The following SSMEM1 variants were observed in gnomAD, a reference collection of about 807,000 sequenced individuals.
SSMEM1 encodes the protein serine rich single-pass membrane protein 1.
In SSMEM1, 12 loss-of-function variants were observed where a neutral mutation model predicts 9.9. That is an observed-to-expected ratio of 1.21 (90% CI 0.78 to 1.96). SSMEM1 has a LOEUF of 1.96. SSMEM1 is among the 30% of genes most tolerant of loss of function. The pLI is 0.00. For missense variants in SSMEM1, 259 were observed against 292.2 expected (o/e 0.89, Z 0.83); for synonymous variants, 96 against 98.9 (o/e 0.97, Z 0.17).
At chr7:130,206,550 A>T (rs965960538), upstream of SSMEM1, among the ~76,000 whole-genome samples, 8 of 152,230 alleles carry the variant, frequency 5.3e-5, no homozygotes, top group African/African-American at 1.9e-4. Context: ...GAAAATCGGC[A>T]GGTATGCTGT....
At chr7:130,215,481 A>G (rs1375688360) in intron 2 of SSMEM1, among the ~76,000 whole-genome samples, 1 of 152,196 alleles carries the variant, frequency 6.6e-6, no homozygotes, top group East Asian at 1.9e-4. Flanking sequence ...AGTTGGTATA[A>G]TTTAATTTTT....
chr7:130,212,988 C>G (rs773910244), intron 1 of SSMEM1, among the ~76,000 whole-genome samples: 9 of 152,160 alleles, frequency 5.9e-5, no homozygotes, highest in Non-Finnish European at 1.2e-4. Flanking sequence ...AACAGGAACT[C>G]AATACATACT....
rs1420962974 is a variant in SSMEM1 at position 130,213,497 on chromosome 7, G to A, written c.201G>A (p.Lys67=). The change falls in exon 2 of 3, where the codon AAG becomes AAA. Residue 67 remains lysine, a synonymous_variant. Transcript: ENST00000297819. ...TGAAACAGATGTCTGAGGATAAAAA[G>A]GATGAAGGCAGTGGGACAAGTACTT... The part of the protein sequence containing the change: ...RASVWMSEDK[K]DEGSGTSTSV... 6.2e-7 allele frequency: 1 copy of A among 1,610,858 alleles called. No individual in the cohort carries two copies. Among genetic ancestry groups the A allele is most frequent in the East Asian group, 2.2e-5 (1 of 44,652 alleles).
rs763101382 is a variant in SSMEM1 at position 130,216,086 on chromosome 7, G to A, written c.351G>A (p.Val117=). 2 of 1,614,192 alleles carry A rather than the reference G, an allele frequency of 1.2e-6. No individual in the cohort carries two copies. Among genetic ancestry groups the A allele is most frequent in the South Asian group, 2.2e-5 (2 of 91,076 alleles). Residue 117 remains valine (V), a synonymous_variant, in exon 3 of 3, where the codon GTG becomes GTA. Transcript: ENST00000297819. The stretch of plus-strand genomic sequence containing the variant: ...TTACCCCTGTAACCAACTCAGAAGT[G>A]GCTTTGGTCAATGCCTATCCTGAAC... ...NQLTPVTNSE[V]ALVNAYPEQR... is the part of the protein sequence containing the mutation.
At position 130,208,863 on chromosome 7, in the gene SSMEM1, CTCT is replaced by C. The variant is rs886468527; in HGVS notation, c.183+772_183+774del. ...TTCCAACATATTATGAGTAACCAAG[CTCT>C]TTTTTTTTTTTCTTGAGATGGAGTC... On this transcript the variant is annotated intron_variant, in intron 1 of 2. Transcript: ENST00000297819. 3.4e-4 allele frequency among the ~76,000 whole-genome samples: 52 copies of C among 152,068 alleles called. 1 individual carries two copies. The highest frequency in any genetic ancestry group is 1.2e-3 in the African/African-American group (50 of 41,488).
chr7:130,212,396 T>G (rs1406804816), intron 1 of SSMEM1, among the ~76,000 whole-genome samples: 1 of 152,080 alleles, frequency 6.6e-6, no homozygotes, highest in Non-Finnish European at 1.5e-5. Context: ...TAAAGAACTA[T>G]CAGTAATGTA....
In SSMEM1 at chr7:130,213,692, C is replaced by CAAAAAAAA. The variant is rs1179465068; in HGVS notation, c.238+173_238+180dup. 1.2e-3 allele frequency among the ~76,000 whole-genome samples: 99 copies of CAAAAAAAA among 79,346 alleles called. 3 individuals are homozygous for CAAAAAAAA. Among genetic ancestry groups the CAAAAAAAA allele is most frequent in the Middle Eastern group, 9.1e-3 (1 of 110 alleles). 52.1% of individuals were successfully genotyped at this position (79,346 alleles called of 152,430 possible). A position where few individuals can be genotyped will look rare whatever the true frequency, so the allele number is the denominator to read the frequency against. ...TTGAGAACATAGTGAGACCCAGTAC[C>CAAAAAAAA]AAAAAAAAAAAAAAAAAAAAAAGAA... On this transcript the variant is annotated intron_variant, in intron 2 of 2. Coordinates refer to ENST00000297819, the MANE Select transcript of SSMEM1 (RefSeq NM_145268.4).
At chr7:130,210,882 A>T (rs1199981997) in intron 1 of SSMEM1, among the ~76,000 whole-genome samples, 1 of 152,214 alleles carries the variant, frequency 6.6e-6, no homozygotes, top group Non-Finnish European at 1.5e-5. Flanking sequence ...TATAAGCCTA[A>T]TAAGTGTTTT....
At chr7:130,214,542 A>T (rs1181805423) in intron 2 of SSMEM1, among the ~76,000 whole-genome samples, 1 of 152,188 alleles carries the variant, frequency 6.6e-6, no homozygotes, top group Non-Finnish European at 1.5e-5. Flanking sequence ...GCTCTCCTTC[A>T]TTTTTGCCAG....
In SSMEM1 at chr7:130,210,824, G is replaced by T. The variant is rs562554721; in HGVS notation, c.184-2656G>T. Among the ~76,000 whole-genome samples the T allele has an allele frequency of 1.7e-3, 257 of 152,268 alleles. 1 individual carries two copies. Among genetic ancestry groups the T allele is most frequent in the African/African-American group, 6.0e-3 (248 of 41,550 alleles). On this transcript the variant is annotated intron_variant, in intron 1 of 2. Transcript: ENST00000297819. ...GCAAAATCTTTCTTTTGATTTTGTGGCTATGTTTTGATTTGACATCAAATG... is the reference window on the plus strand; with the variant it reads ...GCAAAATCTTTCTTTTGATTTTGTGTCTATGTTTTGATTTGACATCAAATG...
intron 2 of SSMEM1, 32 bp downstream of exon 2, chr7:130,213,566 A>G (rs1185684040): frequency 4.4e-6 from 7 of 1,598,490 alleles, no homozygotes; most frequent in African/African-American, 4.0e-5. Context: ...GTGTTGGACT[A>G]TGAGGGGAAG....
chr7:130,207,664 A>T, upstream of SSMEM1: 1 of 580,786 alleles, frequency 1.7e-6, no homozygotes, highest in Non-Finnish European at 3.1e-6. Flanking sequence ...TTAGGAAAAA[A>T]AATTAAGGCA....
At chr7:130,215,915 A>G (rs1354520465) in intron 2 of SSMEM1, 59 bp from the exon 3 acceptor site, 1 of 1,574,276 alleles carries the variant, frequency 6.4e-7, no homozygotes, top group African/African-American at 1.4e-5. Flanking sequence ...CTTCTTAAGT[A>G]ATAGGAATTC....
chr7:130,212,357 T>C (rs2117058950), intron 1 of SSMEM1, among the ~76,000 whole-genome samples: 1 of 152,258 alleles, frequency 6.6e-6, no homozygotes, highest in Admixed American at 6.5e-5. Context: ...TCGGTAAAGA[T>C]CTTTGTGTAT....
upstream of SSMEM1, chr7:130,206,882 A>G: frequency 5.0e-6 from 1 of 199,356 alleles, no homozygotes; most frequent in Non-Finnish European, 1.1e-5. Flanking sequence ...ATTACTCTGG[A>G]GGCTGAGGCA....
chr7:130,213,611 T>C, intron 2 of SSMEM1, 77 bp downstream of exon 2: 1 of 1,264,658 alleles, frequency 7.9e-7, no homozygotes, highest in South Asian at 1.3e-5. Flanking sequence ...TAGTCCCAGC[T>C]ACTCAGAAGG....
Position 130,213,379 on chromosome 7 carries a change from C to G in SSMEM1, c.184-101C>G, listed in dbSNP as rs1798631301. 18 of 833,602 alleles carry G rather than the reference C, an allele frequency of 2.2e-5. No individual in the cohort carries two copies. In the South Asian group the frequency reaches 3.7e-4, roughly 17 times the overall value. The allele number at this position is 833,602 out of a possible 1,614,324, so 51.6% of individuals were successfully genotyped here. A position where few individuals can be genotyped will look rare whatever the true frequency, so the allele number is the denominator to read the frequency against. On this transcript the variant is annotated intron_variant, in intron 1 of 2. Coordinates refer to ENST00000297819, the MANE Select transcript of SSMEM1 (RefSeq NM_145268.4). ...TAAATAAAATAATAAAAAAATAAAA[C>G]CAGACATTATAAATGGGCCTCAGCA...
Position 130,215,314 on chromosome 7 carries a change from A to C in SSMEM1, c.239-660A>C, listed in dbSNP as rs542077294. On this transcript the variant is annotated intron_variant, in intron 2 of 2. Transcript: ENST00000297819. ...GCGAGACTCCATCTCAAAAACAAAA[A>C]AAAACAAAACAAAAAAACAGCATAG... is the stretch of plus-strand genomic sequence containing the variant. Among the ~76,000 whole-genome samples, 291 of 152,344 alleles carry C rather than the reference A, an allele frequency of 1.9e-3. 3 individuals are homozygous for C. The highest frequency in any genetic ancestry group is 5.5e-3 in the African/African-American group (229 of 41,578).
chr7:130,206,189 G>A (rs1243404919), upstream of SSMEM1, among the ~76,000 whole-genome samples: 1 of 152,178 alleles, frequency 6.6e-6, no homozygotes, highest in Non-Finnish European at 1.5e-5. Flanking sequence ...GTGTGCCGCT[G>A]AGCCAGGCGC....
Sources: allele counts gnomAD v4.1 joint callset (sites outside exome capture counted in the v4.1 genomes callset), GRCh38; gene constraint gnomAD v4.1.1; transcripts MANE v1.5; gene names NCBI Gene and HGNC (gene_info 2026-07-23, HGNC 2026-07-21).